The following GNAZ variants were observed in gnomAD, a reference collection of about 807,000 sequenced individuals.
GNAZ encodes G protein subunit alpha z.
Under a neutral mutation model 25.4 loss-of-function variants are expected in GNAZ, and 3 were observed. The observed-to-expected ratio is 0.12, with a 90% CI of 0.05 to 0.30. The LOEUF (loss-of-function observed/expected upper bound fraction) is 0.30, where lower values mean the gene tolerates loss of function less well. GNAZ is among the 10% of genes least tolerant of loss of function. GNAZ has a pLI of 1.00. For synonymous variants in GNAZ, 211 were observed against 205.7 expected (o/e 1.03, Z -0.22); for missense variants, 241 against 501.8 (o/e 0.48, Z 4.97).
At chr22:23,092,657 T>G (rs534961533) in intron 1 of GNAZ, among the ~76,000 whole-genome samples, 56 of 152,196 alleles carry the variant, frequency 3.7e-4, no homozygotes, top group African/African-American at 1.3e-3. Flanking sequence ...AGCCCTTAGC[T>G]CCAGGCTTCC....
At position 23,082,130 on chromosome 22, in the gene GNAZ, A is replaced by C. The variant is rs892866470; in HGVS notation, c.-450+11560A>C. 6.7e-5 allele frequency among the ~76,000 whole-genome samples: 8 copies of C among 120,036 alleles called. No homozygotes were observed. In the East Asian group the frequency reaches 7.0e-4, roughly 10 times the overall value. 78.7% of individuals were successfully genotyped at this position (120,036 alleles called of 152,430 possible). On this transcript the variant is annotated intron_variant, in intron 1 of 2. Coordinates refer to ENST00000615612, the MANE Select transcript of GNAZ (RefSeq NM_002073.4). ...ACAGAGCAAGACTCCGCCTCAAAAA[A>C]AAAACAAAAAAAAAAAACACCCCAG...
intron 1 of GNAZ, among the ~76,000 whole-genome samples, chr22:23,086,566 C>T (rs1009520602): frequency 2.6e-5 from 4 of 152,210 alleles, no homozygotes; most frequent in Non-Finnish European, 5.9e-5. Context: ...CACAGCAGAG[C>T]CACAGCTGGG....
chr22:23,102,682 G>A (rs1244695388), intron 2 of GNAZ, among the ~76,000 whole-genome samples: 1 of 152,212 alleles, frequency 6.6e-6, no homozygotes, highest in Non-Finnish European at 1.5e-5. Flanking sequence ...TGGCTCTGTC[G>A]TTCAGTGCAT....
At chr22:23,081,901 G>A (rs1450212461) in intron 1 of GNAZ, among the ~76,000 whole-genome samples, 9 of 151,380 alleles carry the variant, frequency 5.9e-5, no homozygotes, top group Middle Eastern at 3.4e-3. Context: ...CGAGGCGGGC[G>A]GATCACGAGG....
At chr22:23,118,473 C>T (rs966106919) in intron 2 of GNAZ, among the ~76,000 whole-genome samples, 3 of 149,616 alleles carry the variant, frequency 2.0e-5, no homozygotes, top group African/African-American at 4.9e-5. Flanking sequence ...CTCTTCCCCG[C>T]CCCGCCCCAC....
chr22:23,087,908 G>A (rs998074108), intron 1 of GNAZ, among the ~76,000 whole-genome samples: 1 of 152,218 alleles, frequency 6.6e-6, no homozygotes, highest in Non-Finnish European at 1.5e-5. Flanking sequence ...TCAGCTGCAT[G>A]ACTCCTAAAC....
chr22:23,112,444 A>G (rs2069682422), intron 2 of GNAZ, among the ~76,000 whole-genome samples: 1 of 152,094 alleles, frequency 6.6e-6, no homozygotes, highest in African/African-American at 2.4e-5. Flanking sequence ...AGGTGCGGGG[A>G]GCATGCCAGG....
chr22:23,079,718 G>A (rs2068620614), intron 1 of GNAZ, among the ~76,000 whole-genome samples: 1 of 152,196 alleles, frequency 6.6e-6, no homozygotes, highest in Non-Finnish European at 1.5e-5. Flanking sequence ...ATGAGAGGCT[G>A]GGGCTGGCTA....
At chr22:23,074,538 A>G (rs979211522) in intron 1 of GNAZ, among the ~76,000 whole-genome samples, 9 of 152,110 alleles carry the variant, frequency 5.9e-5, no homozygotes, top group African/African-American at 2.2e-4. Flanking sequence ...AGGGAGAGCA[A>G]GGCTGGAGGT....
intron 1 of GNAZ, among the ~76,000 whole-genome samples, chr22:23,091,253 G>C (rs987790202): frequency 6.6e-5 from 10 of 152,276 alleles, no homozygotes; most frequent in African/African-American, 2.4e-4. Flanking sequence ...CAAGCAACCA[G>C]ACACAGACAC....
intron 1 of GNAZ, among the ~76,000 whole-genome samples, chr22:23,084,006 G>T (rs1050981810): frequency 2.0e-5 from 3 of 152,150 alleles, no homozygotes; most frequent in African/African-American, 7.2e-5. Flanking sequence ...AGCCAGAGAG[G>T]CAGGAACCTT....
chr22:23,105,602 G>C (rs2069445325), intron 2 of GNAZ, among the ~76,000 whole-genome samples: 1 of 152,232 alleles, frequency 6.6e-6, no homozygotes, highest in South Asian at 2.1e-4. Flanking sequence ...GGTTCCTGGG[G>C]ATCCTCTGGA....
At chr22:23,114,523 G>T (rs982168812) in intron 2 of GNAZ, among the ~76,000 whole-genome samples, 3 of 151,640 alleles carry the variant, frequency 2.0e-5, no homozygotes, top group Admixed American at 2.0e-4. Flanking sequence ...ATTACCCCTC[G>T]CCCCCTGCAT....
At chr22:23,101,753 G>T (rs1481001635) in intron 2 of GNAZ, among the ~76,000 whole-genome samples, 1 of 152,222 alleles carries the variant, frequency 6.6e-6, no homozygotes, top group Non-Finnish European at 1.5e-5. Flanking sequence ...AGATCCAGAG[G>T]CAGGGCCAGG....
chr22:23,081,798 G>A (rs1601762729), intron 1 of GNAZ, among the ~76,000 whole-genome samples: 1 of 141,260 alleles, frequency 7.1e-6, no homozygotes, highest in East Asian at 2.1e-4. Flanking sequence ...TTCCAGCCTG[G>A]GCAACAGAGT....
chr22:23,106,772 C>A (rs1034677942), intron 2 of GNAZ, among the ~76,000 whole-genome samples: 1 of 152,238 alleles, frequency 6.6e-6, no homozygotes, highest in Admixed American at 6.5e-5. Flanking sequence ...CGAAGGGGCT[C>A]CCCACCACAC....
At chr22:23,121,106 G>T (rs1045690285) in intron 2 of GNAZ, among the ~76,000 whole-genome samples, 1 of 152,150 alleles carries the variant, frequency 6.6e-6, no homozygotes, top group African/African-American at 2.4e-5. Context: ...GGTTCACTGC[G>T]GAGGCGCTGG....
Position 23,090,076 on chromosome 22 carries a change from C to T in GNAZ, c.-449-5171C>T, listed in dbSNP as rs187221043. On this transcript the variant is annotated intron_variant, in intron 1 of 2. Transcript: ENST00000615612. ...GCAAACACTACACATCTGCTGGGGG[C>T]GGGGGCCAGGGACTGGATACTAGCT... Among the ~76,000 whole-genome samples the T allele has an allele frequency of 5.8e-3, 883 of 152,194 alleles. 4 individuals carry two copies. The highest frequency in any genetic ancestry group is 0.02 in the African/African-American group (826 of 41,500).
chr22:23,086,928 A>G (rs991734298), intron 1 of GNAZ, among the ~76,000 whole-genome samples: 1 of 152,196 alleles, frequency 6.6e-6, no homozygotes, highest in African/African-American at 2.4e-5. Context: ...GAAACCCATG[A>G]TGGGACACAT....
Sources: gnomAD v4.1 joint callset for allele counts (sites outside exome capture counted in the v4.1 genomes callset) on GRCh38, gnomAD v4.1.1 for gene constraint, MANE v1.5 for transcripts, NCBI Gene and HGNC (gene_info 2026-07-23, HGNC 2026-07-21) for gene names.